SNX13: variants seen among roughly 807,000 people sequenced by gnomAD.
SNX13 encodes the protein sorting nexin-13.
Under a neutral mutation model 133.6 loss-of-function variants are expected in SNX13, and 45 were observed. The observed-to-expected ratio is 0.34, with a 90% CI of 0.27 to 0.43. The LOEUF (loss-of-function observed/expected upper bound fraction) is 0.43, where lower values mean the gene tolerates loss of function less well. SNX13 is among the 20% of genes least tolerant of loss of function. The pLI, the probability that SNX13 is intolerant of heterozygous loss-of-function variation, is 1.00. For synonymous variants in SNX13, 414 were observed against 373.9 expected, an observed-to-expected ratio of 1.11 and a Z score of -1.24; for missense variants, 1,032 against 1,145.1, an observed-to-expected ratio of 0.90 and a Z score of 1.43.
intron 5 of SNX13, chr7:17,880,375 C>T (rs1795200982): frequency 6.6e-6 from 1 of 152,212 alleles, no homozygotes; most frequent in South Asian, 2.1e-4. Context: ...ATTCATATTT[C>T]TTCAATCTAA....
At position 17,873,555 on chromosome 7, in the gene SNX13, C is replaced by T; in HGVS notation, c.726G>A (p.Gln242=). 2.5e-6 allele frequency: 4 copies of T among 1,585,954 alleles called. No homozygotes were observed. Among genetic ancestry groups the T allele is most frequent in the Non-Finnish European group, 3.4e-6 (4 of 1,166,618 alleles). Residue 242 remains glutamine, a synonymous_variant, in exon 8 of 26, where the codon CAG becomes CAA. Transcript: ENST00000428135. ...LYLLLPPGDF[Q]NKIMRYFVRE... is the part of the protein sequence containing the mutation. ...TGACAAAGTATCGCATGATCTTGTTCTGGAAATCTCCAGGAGGTAGCAATA... is the reference window on the plus strand; with the variant it reads ...TGACAAAGTATCGCATGATCTTGTTTTGGAAATCTCCAGGAGGTAGCAATA...
intron 8 of SNX13, among the ~76,000 whole-genome samples, chr7:17,869,873 CACACAG>C (rs1793861054): frequency 8.5e-6 from 1 of 116,988 alleles, no homozygotes; most frequent in Non-Finnish European, 1.8e-5. Flanking sequence ...TACTCACACA[CACACAG>C]ACACACACAC....
intron 1 of SNX13, among the ~76,000 whole-genome samples, chr7:17,938,027 C>A (rs936177319): frequency 2.6e-5 from 4 of 152,198 alleles, no homozygotes; most frequent in African/African-American, 9.6e-5. Flanking sequence ...TCTAAGTCAG[C>A]AATGTCTAGC....
intron 1 of SNX13, among the ~76,000 whole-genome samples, chr7:17,902,497 C>A (rs1019450909): frequency 6.6e-6 from 1 of 152,040 alleles, no homozygotes; most frequent in Non-Finnish European, 1.5e-5. Flanking sequence ...AACTGGCTGA[C>A]ATTATAATCT....
At chr7:17,858,305 C>CA (rs1335551562) in intron 9 of SNX13, among the ~76,000 whole-genome samples, 3 of 151,974 alleles carry the variant, frequency 2.0e-5, no homozygotes, top group Non-Finnish European at 4.4e-5. Flanking sequence ...TTGCAGAATA[C>CA]AAAATCAACA....
At chr7:17,854,195 T>C (rs965721552) in intron 9 of SNX13, among the ~76,000 whole-genome samples, 5 of 152,152 alleles carry the variant, frequency 3.3e-5, no homozygotes, top group Non-Finnish European at 7.3e-5. Context: ...TGCATGCAGA[T>C]GTAAAATATA....
At chr7:17,888,727 T>C (rs766691682) in intron 5 of SNX13, 36 of 470,922 alleles carry the variant, frequency 7.6e-5, no homozygotes, top group South Asian at 5.6e-4. Context: ...CAGCATCTGG[T>C]TGGTACAAAG....
intron 1 of SNX13, among the ~76,000 whole-genome samples, chr7:17,910,326 T>C (rs1303449656): frequency 1.3e-5 from 2 of 152,046 alleles, no homozygotes; most frequent in Admixed American, 1.3e-4. Context: ...AAATAACAGA[T>C]AAAACTGGTT....
intron 18 of SNX13, among the ~76,000 whole-genome samples, chr7:17,816,736 C>A (rs1346612116): frequency 6.6e-6 from 1 of 152,036 alleles, no homozygotes; most frequent in African/African-American, 2.4e-5. Context: ...ACATGAAAAT[C>A]AGAAAATAAA....
At chr7:17,911,442 C>T (rs1271008218) in intron 1 of SNX13, among the ~76,000 whole-genome samples, 1 of 151,986 alleles carries the variant, frequency 6.6e-6, no homozygotes, top group Non-Finnish European at 1.5e-5. Flanking sequence ...AGTTCAAGAC[C>T]AGACTGGCCA....
chr7:17,807,171 AC>A (rs2128292281), intron 20 of SNX13, among the ~76,000 whole-genome samples: 1 of 151,782 alleles, frequency 6.6e-6, no homozygotes, highest in South Asian at 2.1e-4. Flanking sequence ...AGCAGATCCC[AC>A]CCCCACGGAG....
intron 5 of SNX13, among the ~76,000 whole-genome samples, chr7:17,886,471 G>A (rs1352685770): frequency 6.6e-6 from 1 of 151,996 alleles, no homozygotes; most frequent in Non-Finnish European, 1.5e-5. Context: ...AGGAGGCTGG[G>A]GCAGAAGAAT....
At chr7:17,910,310 C>T (rs1798825994) in intron 1 of SNX13, among the ~76,000 whole-genome samples, 1 of 152,128 alleles carries the variant, frequency 6.6e-6, no homozygotes. Flanking sequence ...CAATAAACCA[C>T]TGGAAAAATA....
intron 9 of SNX13, among the ~76,000 whole-genome samples, chr7:17,854,825 T>A (rs1256522815): frequency 6.6e-6 from 1 of 152,206 alleles, no homozygotes; most frequent in African/African-American, 2.4e-5. Flanking sequence ...AACCCTACAA[T>A]GAACTCTTAA....
intron 20 of SNX13, among the ~76,000 whole-genome samples, chr7:17,805,254 T>TGCGCGCGTGCGCGCGC (rs1785125698): frequency 7.5e-6 from 1 of 132,524 alleles, no homozygotes; most frequent in Non-Finnish European, 1.6e-5. Context: ...TGTGTGTGCG[T>TGCGCGCGTGCGCGCGC]GCGCGCGCGC....
At chr7:17,862,810 C>T (rs529740469) in intron 9 of SNX13, among the ~76,000 whole-genome samples, 1 of 152,248 alleles carries the variant, frequency 6.6e-6, no homozygotes, top group South Asian at 2.1e-4. Context: ...GTAGAGCCCT[C>T]CAGCGATCAT....
chr7:17,851,110 C>T (rs1328228350), intron 9 of SNX13, 146 bp from the exon 10 acceptor site: 1 of 742,380 alleles, frequency 1.3e-6, no homozygotes, highest in Non-Finnish European at 2.1e-6. Context: ...TATTTGGGCA[C>T]CTATTTTCCA....
At chr7:17,847,534 C>G (rs1790688852) in intron 11 of SNX13, among the ~76,000 whole-genome samples, 1 of 152,134 alleles carries the variant, frequency 6.6e-6, no homozygotes. Context: ...TTTAAATACA[C>G]TGTAAAATTA....
intron 7 of SNX13, 49 bp downstream of exon 7, chr7:17,875,431 T>C (rs1159951858): frequency 3.3e-6 from 5 of 1,513,272 alleles, no homozygotes; most frequent in East Asian, 2.3e-5. Context: ...TTCTGCTAAC[T>C]TGACTCTAGC....
Sources: gnomAD v4.1 joint callset for allele counts (sites outside exome capture counted in the v4.1 genomes callset) on GRCh38, gnomAD v4.1.1 for gene constraint, MANE v1.5 for transcripts, NCBI Gene and HGNC (gene_info 2026-07-23, HGNC 2026-07-21) for gene names.